PCDH7: variants seen among roughly 807,000 people sequenced by gnomAD.
PCDH7 encodes the protein protocadherin 7.
Under a neutral mutation model 58.9 loss-of-function variants are expected in PCDH7, and 17 were observed. The observed-to-expected ratio is 0.29, with a 90% CI of 0.20 to 0.43. PCDH7 has a LOEUF of 0.43. PCDH7 is among the 20% of genes least tolerant of loss of function. PCDH7 has a pLI of 1.00. For synonymous variants in PCDH7, 664 were observed against 616.4 expected (o/e 1.08, Z -1.14); for missense variants, 1,274 against 1,441.0 (o/e 0.88, Z 1.88).
chr4:30,748,981 C>T (rs370237205), intron 1 of PCDH7, among the ~76,000 whole-genome samples: 6 of 152,220 alleles, frequency 3.9e-5, no homozygotes, highest in Admixed American at 3.3e-4. Flanking sequence ...TGTCATATGA[C>T]CTTTTTTCTT....
chr4:30,846,798 T>C (rs1732027202), intron 1 of PCDH7, among the ~76,000 whole-genome samples: 1 of 152,132 alleles, frequency 6.6e-6, no homozygotes, highest in Non-Finnish European at 1.5e-5. Context: ...ATGTTTAGCC[T>C]CCAGTTCTAT....
At chr4:31,126,306 C>A (rs1213986282) in intron 3 of PCDH7, among the ~76,000 whole-genome samples, 1 of 151,800 alleles carries the variant, frequency 6.6e-6, no homozygotes, top group African/African-American at 2.4e-5. Context: ...CAGGTGCACA[C>A]CATTATACCC....
intron 3 of PCDH7, among the ~76,000 whole-genome samples, chr4:30,967,211 G>GAA (rs34392526): frequency 2.5e-4 from 37 of 150,558 alleles, no homozygotes; most frequent in Non-Finnish European, 2.8e-4. Context: ...ATTGCAAAAA[G>GAA]AAAAAAAAAT....
intron 1 of PCDH7, among the ~76,000 whole-genome samples, chr4:30,916,385 C>G (rs997486501): frequency 6.6e-6 from 1 of 152,086 alleles, no homozygotes; most frequent in African/African-American, 2.4e-5. Context: ...TAAAGAAATT[C>G]TTTGATTTTC....
At chr4:31,077,455 G>A (rs1759104968) in intron 3 of PCDH7, among the ~76,000 whole-genome samples, 1 of 151,030 alleles carries the variant, frequency 6.6e-6, no homozygotes, top group South Asian at 2.1e-4. Flanking sequence ...AAATATGCAA[G>A]TCTTTTCCAA....
intron 2 of PCDH7, among the ~76,000 whole-genome samples, chr4:30,947,005 C>T (rs577961459): frequency 3.3e-4 from 51 of 152,260 alleles, no homozygotes; most frequent in African/African-American, 1.1e-3. Context: ...AGCCACTGCG[C>T]CCAGCCTTAC....
At chr4:30,917,454 A>T (rs957744813) in intron 1 of PCDH7, among the ~76,000 whole-genome samples, 2 of 152,100 alleles carry the variant, frequency 1.3e-5, no homozygotes, top group Non-Finnish European at 2.9e-5. Flanking sequence ...ATATGAATAA[A>T]AATGATAGGT....
At chr4:31,045,648 C>A (rs1304419853) in intron 3 of PCDH7, among the ~76,000 whole-genome samples, 2 of 151,910 alleles carry the variant, frequency 1.3e-5, no homozygotes, top group African/African-American at 4.8e-5. Flanking sequence ...TTCTTAGTAA[C>A]CAATTGATAA....
intron 1 of PCDH7, among the ~76,000 whole-genome samples, chr4:30,852,664 G>C (rs907239839): frequency 6.6e-6 from 1 of 151,848 alleles, no homozygotes; most frequent in South Asian, 2.1e-4. Context: ...CTTTGCACAT[G>C]AGCCTCTTAT....
intron 1 of PCDH7, among the ~76,000 whole-genome samples, chr4:30,783,708 C>T (rs1289988476): frequency 6.6e-6 from 1 of 152,160 alleles, no homozygotes; most frequent in Non-Finnish European, 1.5e-5. Context: ...TTCCAATTCT[C>T]TGCATAATTC....
At chr4:30,974,407 T>G (rs1749885957) in intron 3 of PCDH7, among the ~76,000 whole-genome samples, 1 of 151,882 alleles carries the variant, frequency 6.6e-6, no homozygotes, top group Non-Finnish European at 1.5e-5. Context: ...TCTTTTTAAA[T>G]TTAGGTGTGC....
chr4:30,729,051 T>C (rs935617480), intron 1 of PCDH7, among the ~76,000 whole-genome samples: 2 of 151,982 alleles, frequency 1.3e-5, no homozygotes, highest in African/African-American at 2.4e-5. Context: ...CATCACATTT[T>C]AGAATTACAA....
intron 1 of PCDH7, among the ~76,000 whole-genome samples, chr4:30,807,042 T>C (rs1270878751): frequency 2.6e-5 from 4 of 152,220 alleles, no homozygotes; most frequent in Non-Finnish European, 5.9e-5. Flanking sequence ...GCCATCCTTT[T>C]CATATTTGCA....
chr4:30,986,320 TA>T (rs1048995284), intron 3 of PCDH7, among the ~76,000 whole-genome samples: 5 of 152,046 alleles, frequency 3.3e-5, no homozygotes, highest in African/African-American at 4.8e-5. Flanking sequence ...TTTAGTCTTT[TA>T]AAAAAAATTA....
At chr4:30,786,997 GA>G (rs1723483963) in intron 1 of PCDH7, among the ~76,000 whole-genome samples, 1 of 151,928 alleles carries the variant, frequency 6.6e-6, no homozygotes. Flanking sequence ...TTAAACAAGT[GA>G]AAAAAATCAA....
chr4:30,729,128 A>C (rs182421454), intron 1 of PCDH7, among the ~76,000 whole-genome samples: 1 of 151,950 alleles, frequency 6.6e-6, no homozygotes, highest in African/African-American at 2.4e-5. Flanking sequence ...CAGTGACTTG[A>C]TTGGGATTAC....
intron 1 of PCDH7, among the ~76,000 whole-genome samples, chr4:30,766,530 TA>T (rs1178068712): frequency 1.2e-4 from 18 of 152,020 alleles, no homozygotes; most frequent in African/African-American, 3.6e-4. Context: ...ACAACTGCAT[TA>T]GGGGGTAGAA....
chr4:30,927,682 A>G (rs1434269977), intron 2 of PCDH7, among the ~76,000 whole-genome samples: 1 of 151,814 alleles, frequency 6.6e-6, no homozygotes, highest in Non-Finnish European at 1.5e-5. Flanking sequence ...AGTCATCACC[A>G]CTCTCTAATC....
chr4:30,738,554 G>T (rs1305336910), intron 1 of PCDH7, among the ~76,000 whole-genome samples: 1 of 152,126 alleles, frequency 6.6e-6, no homozygotes, highest in African/African-American at 2.4e-5. Flanking sequence ...AAGCTTTCAT[G>T]GAGATTTCTG....
Sources: allele counts gnomAD v4.1 joint callset (sites outside exome capture counted in the v4.1 genomes callset), GRCh38; gene constraint gnomAD v4.1.1; transcripts MANE v1.5; gene names NCBI Gene and HGNC (gene_info 2026-07-23, HGNC 2026-07-21).